The following NBAS variants were observed in gnomAD, a reference collection of about 807,000 sequenced individuals.
NBAS encodes the protein NAG/BC035112 fusion.
NBAS carries 219 observed loss-of-function variants against 302.5 expected under a neutral mutation model. The observed-to-expected ratio is 0.72, with a 90% CI of 0.65 to 0.81. The LOEUF is 0.81. Among genes scored for constraint, NBAS ranks in the 30% least tolerant of loss-of-function variants. The probability of loss-of-function intolerance (pLI) is 0.00; values close to 1 mark genes in which losing one functional copy is unlikely to be tolerated. For synonymous variants in NBAS, 1,118 were observed against 1,021.6 expected (o/e 1.09, Z -1.80); for missense variants, 2,932 against 2,841.6 (o/e 1.03, Z -0.72).
the NBAS span, among the ~76,000 whole-genome samples, chr2:14,958,966 G>A: frequency 7.2e-5 from 11 of 152,182 alleles, no homozygotes; most frequent in Admixed American, 4.6e-4. Context: ...GAGGAAGGGT[G>A]GAGTAACACT....
At chr2:15,347,664 A>T (rs937079315) in intron 35 of NBAS, among the ~76,000 whole-genome samples, 7 of 152,194 alleles carry the variant, frequency 4.6e-5, no homozygotes, top group Non-Finnish European at 5.9e-5. Flanking sequence ...TTCTAACTCT[A>T]ATTAGATTTA....
chr2:14,880,405 A>T, the NBAS span, among the ~76,000 whole-genome samples: 1 of 152,136 alleles, frequency 6.6e-6, no homozygotes, highest in Non-Finnish European at 1.5e-5. Context: ...ATGACACAAC[A>T]TACCAGCATG....
At chr2:15,404,325 T>C (rs1383672806) in intron 25 of NBAS, among the ~76,000 whole-genome samples, 1 of 151,870 alleles carries the variant, frequency 6.6e-6, no homozygotes, top group Non-Finnish European at 1.5e-5. Context: ...AGAGAAGATA[T>C]GGCAATAAAA....
the NBAS span, among the ~76,000 whole-genome samples, chr2:14,943,422 G>T: frequency 1.3e-5 from 2 of 152,216 alleles, no homozygotes; most frequent in African/African-American, 4.8e-5. Flanking sequence ...AAGCGTATCT[G>T]CTGTAAAATT....
rs1369814556 is a variant in NBAS, at chr2:15,414,302, A to G, written c.2937+1244T>C. 2.6e-5 allele frequency among the ~76,000 whole-genome samples: 4 copies of G among 152,206 alleles called. No individual in the cohort carries two copies. In the East Asian group the frequency reaches 7.7e-4, roughly 29 times the overall value. ...GTATCTTACCAGACACTACTAATGA[A>G]GGCCGGTGCAATGAAATAGTCCCAG... On this transcript the variant is annotated intron_variant, in intron 25 of 51. Transcript: ENST00000281513.
chr2:15,553,998 C>T (rs1020951890), intron 4 of NBAS, 63 bp downstream of exon 4: 30 of 1,396,738 alleles, frequency 2.1e-5, no homozygotes, highest in African/African-American at 1.4e-4. Context: ...CCAAAATTAA[C>T]GTCCATAATG....
chr2:15,413,804 G>GA (rs1379242938), intron 25 of NBAS, among the ~76,000 whole-genome samples: 5 of 152,178 alleles, frequency 3.3e-5, no homozygotes, highest in African/African-American at 1.2e-4. Flanking sequence ...AACACTGAGA[G>GA]AAATACAGAA....
chr2:14,835,527 A>G, the NBAS span, among the ~76,000 whole-genome samples: 1 of 151,788 alleles, frequency 6.6e-6, no homozygotes, highest in African/African-American at 2.4e-5. Flanking sequence ...TTTCCTATCT[A>G]TTTTACCACC....
At chr2:14,807,071 T>C in the NBAS span, among the ~76,000 whole-genome samples, 1 of 152,186 alleles carries the variant, frequency 6.6e-6, no homozygotes, top group Non-Finnish European at 1.5e-5. Flanking sequence ...CAGAGGTAAT[T>C]TGCATGGTTC....
intron 10 of NBAS, among the ~76,000 whole-genome samples, chr2:15,505,326 T>G (rs1035144490): frequency 2.0e-5 from 3 of 151,966 alleles, no homozygotes; most frequent in Non-Finnish European, 4.4e-5. Context: ...TGAGTGAAAA[T>G]ACTATAAAAG....
At chr2:15,467,287 G>T in intron 19 of NBAS, 42 bp downstream of exon 19, 1 of 1,360,856 alleles carries the variant, frequency 7.3e-7, no homozygotes, top group South Asian at 1.2e-5. Flanking sequence ...TATAATGACA[G>T]ATCAAATGAA....
chr2:15,447,462 TG>T (rs1678806252), intron 21 of NBAS, among the ~76,000 whole-genome samples: 1 of 152,166 alleles, frequency 6.6e-6, no homozygotes, highest in East Asian at 1.9e-4. Flanking sequence ...TAATGTGCTG[TG>T]TTAGAAACCA....
chr2:15,430,973 T>C (rs1160647678), intron 21 of NBAS, among the ~76,000 whole-genome samples: 1 of 151,606 alleles, frequency 6.6e-6, no homozygotes, highest in Admixed American at 6.6e-5. Context: ...TAGGCCCGGC[T>C]AATTTTTTTT....
At chr2:15,138,985 T>A in the NBAS span, among the ~76,000 whole-genome samples, 1 of 152,212 alleles carries the variant, frequency 6.6e-6, no homozygotes. Context: ...CACATTTTTT[T>A]TACATCTTAA....
At chr2:14,851,255 C>A in the NBAS span, among the ~76,000 whole-genome samples, 35 of 142,154 alleles carry the variant, frequency 2.5e-4, no homozygotes, top group African/African-American at 1.0e-3. Flanking sequence ...GATATCACCA[C>A]CGATCCCACA....
the NBAS span, among the ~76,000 whole-genome samples, chr2:15,109,820 A>G: frequency 1.3e-5 from 2 of 152,094 alleles, no homozygotes; most frequent in Non-Finnish European, 2.9e-5. Flanking sequence ...TAGGATTTCA[A>G]CATATGAATT....
chr2:15,306,109 G>A (rs879851319), intron 40 of NBAS, among the ~76,000 whole-genome samples: 1 of 152,138 alleles, frequency 6.6e-6, no homozygotes, highest in Admixed American at 6.5e-5. Flanking sequence ...GAAAAGGTAA[G>A]AGTAAAATAC....
chr2:15,427,722 C>A lies in NBAS; in HGVS notation c.2412G>T (p.Glu804Asp), dbSNP rs1363536901. 6.2e-7 allele frequency: 1 copy of A among 1,612,318 alleles called. No individual in the cohort carries two copies. Among genetic ancestry groups the A allele is most frequent in the Non-Finnish European group, 8.5e-7 (1 of 1,179,154 alleles). ...HKHRAKDWCE[E>D]LACRMVVEPN... is the part of the protein sequence containing the mutation. ...AGGCTCATACTGACCTGCAAGCCAA[C>A]TCCTCGCACCAATCTTTAGCTCGGT... is the stretch of plus-strand genomic sequence containing the variant. Residue 804 changes from glutamate to aspartate, a missense_variant, in exon 22 of 52, where the codon GAG becomes GAT. Physicochemically the swap from Glu to Asp is conservative, Grantham distance 45. Transcript: ENST00000281513.
chr2:15,539,265 C>G lies in NBAS; in HGVS notation c.471G>C (p.Arg157Ser). Residue 157 changes from arginine to serine, a missense_variant, in exon 7 of 52, where the codon AGG becomes AGC. Arg to Ser is a moderately radical substitution (Grantham distance 110). Coordinates refer to ENST00000281513, the MANE Select transcript of NBAS (RefSeq NM_015909.4). ...GTTCACTTCCCATGAGATCAAACACCCTCACAGTTCCTGTGCTTTCGGCAT... is the reference window on the plus strand; with the variant it reads ...GTTCACTTCCCATGAGATCAAACACGCTCACAGTTCCTGTGCTTTCGGCAT... ...LAYAESTGTVRVFDLMGSELF... is the reference protein window; with the variant it reads ...LAYAESTGTVSVFDLMGSELF... 3 of 1,614,212 alleles carry G rather than the reference C, an allele frequency of 1.9e-6. No homozygotes were observed. The highest frequency in any genetic ancestry group is 2.5e-6 in the Non-Finnish European group (3 of 1,180,050).
Sources: gnomAD v4.1 joint callset for allele counts (sites outside exome capture counted in the v4.1 genomes callset) on GRCh38, gnomAD v4.1.1 for gene constraint, MANE v1.5 for transcripts, NCBI Gene and HGNC (gene_info 2026-07-23, HGNC 2026-07-21) for gene names.